EYS: variants seen among roughly 807,000 people sequenced by gnomAD.
The protein encoded by EYS is protein eyes shut homolog.
Under a neutral mutation model 282.1 loss-of-function variants are expected in EYS, and 250 were observed. The ratio of observed to expected loss-of-function variants is 0.89; its 90% confidence interval spans 0.80 to 0.98. The LOEUF is 0.98. Ranked by LOEUF, EYS falls within the 50% of genes least tolerant of loss-of-function variation. The pLI, the probability that EYS is intolerant of heterozygous loss-of-function variation, is 0.00. For synonymous variants in EYS, 1,355 were observed against 1,282.9 expected (o/e 1.06, Z -1.20); for missense variants, 4,016 against 3,709.0 (o/e 1.08, Z -2.15).
intron 2 of EYS, among the ~76,000 whole-genome samples, chr6:65,504,673 G>T (rs1407083797): frequency 1.3e-5 from 2 of 151,114 alleles, no homozygotes; most frequent in South Asian, 4.2e-4. Context: ...TTTTCCTTTA[G>T]AGTATCGATA....
chr6:63,804,520 A>G (rs1770855550), intron 37 of EYS, among the ~76,000 whole-genome samples: 1 of 152,222 alleles, frequency 6.6e-6, no homozygotes, highest in African/African-American at 2.4e-5. Flanking sequence ...TCCCTTGACC[A>G]CTATGATAGC....
intron 26 of EYS, among the ~76,000 whole-genome samples, chr6:64,466,218 C>CA: frequency 6.6e-6 from 1 of 152,078 alleles, no homozygotes; most frequent in South Asian, 2.1e-4. Context: ...AAAAATAGCA[C>CA]TATAATATAA....
chr6:64,886,794 A>G lies in EYS; in HGVS notation c.2895T>C (p.Leu965=). The G allele has an allele frequency of 6.5e-7, 1 of 1,546,626 alleles. No homozygotes were observed. The highest frequency in any genetic ancestry group is 1.4e-5 in the African/African-American group (1 of 72,824). The part of the protein sequence containing the change: ...EPEYHGPFCE[L]DVNKCKISPC... ...GTGAGATTTTACATTTATTTACATCAAGTTCACAGAAGGGCCCATGGTACT... is the reference window on the plus strand; with the variant it reads ...GTGAGATTTTACATTTATTTACATCGAGTTCACAGAAGGGCCCATGGTACT... Residue 965 remains leucine, a synonymous_variant, in exon 19 of 43, where the codon CTT becomes CTC. Transcript: ENST00000503581.
chr6:65,601,030 T>C (rs930328265), intron 2 of EYS, among the ~76,000 whole-genome samples: 3 of 151,904 alleles, frequency 2.0e-5, no homozygotes, highest in Non-Finnish European at 4.4e-5. Context: ...TCATGATAGA[T>C]TCAAAATATA....
intron 26 of EYS, among the ~76,000 whole-genome samples, chr6:64,577,816 T>C (rs1273421760): frequency 6.6e-6 from 1 of 152,118 alleles, no homozygotes; most frequent in Non-Finnish European, 1.5e-5. Flanking sequence ...GACAGTTTTA[T>C]AGCTGATAAA....
intron 12 of EYS, among the ~76,000 whole-genome samples, chr6:65,287,047 T>G (rs1768387119): frequency 6.6e-6 from 1 of 151,458 alleles, no homozygotes; most frequent in African/African-American, 2.4e-5. Context: ...CGCAGGAAGC[T>G]CAAGATCCTT....
intron 26 of EYS, among the ~76,000 whole-genome samples, chr6:64,528,757 T>C (rs1562043105): frequency 6.6e-6 from 1 of 151,980 alleles, no homozygotes; most frequent in Non-Finnish European, 1.5e-5. Flanking sequence ...TACCAGCCAC[T>C]TTTTATTTTG....
At chr6:63,793,917 G>C (rs557110303) in intron 37 of EYS, among the ~76,000 whole-genome samples, 62 of 152,284 alleles carry the variant, frequency 4.1e-4, no homozygotes, top group Non-Finnish European at 7.1e-4. Flanking sequence ...AGTATGTGTG[G>C]GGTGATGCTG....
intron 13 of EYS, among the ~76,000 whole-genome samples, chr6:65,023,839 C>T (rs373919540): frequency 1.3e-5 from 2 of 152,236 alleles, no homozygotes; most frequent in African/African-American, 4.8e-5. Context: ...GTAACTTGCC[C>T]CTTCATATAC....
At chr6:64,802,028 T>C (rs999200623) in intron 22 of EYS, among the ~76,000 whole-genome samples, 2 of 115,572 alleles carry the variant, frequency 1.7e-5, no homozygotes, top group South Asian at 3.4e-4. Flanking sequence ...TTTTTCTTTT[T>C]TTTTCTTTTT....
At chr6:64,078,466 G>A (rs1055640229) in intron 32 of EYS, among the ~76,000 whole-genome samples, 1 of 152,010 alleles carries the variant, frequency 6.6e-6, no homozygotes, top group African/African-American at 2.4e-5. Flanking sequence ...AGGCTTTTAT[G>A]AGGTTGACAG....
intron 29 of EYS, among the ~76,000 whole-genome samples, chr6:64,342,335 A>G (rs1273214599): frequency 1.3e-5 from 2 of 151,916 alleles, no homozygotes; most frequent in African/African-American, 2.4e-5. Context: ...GTTACCCACA[A>G]AGGGAAGCCC....
At chr6:64,022,009 C>A (rs2149820152) in intron 33 of EYS, among the ~76,000 whole-genome samples, 1 of 152,264 alleles carries the variant, frequency 6.6e-6, no homozygotes, top group South Asian at 2.1e-4. Context: ...TTTTATGTAA[C>A]CATTCCCCTC....
chr6:64,906,742 C>T (rs1330917948), intron 16 of EYS, among the ~76,000 whole-genome samples: 3 of 152,088 alleles, frequency 2.0e-5, no homozygotes, highest in Non-Finnish European at 4.4e-5. Flanking sequence ...GTTCCTTTCA[C>T]CTTGAAGACA....
intron 14 of EYS, among the ~76,000 whole-genome samples, chr6:64,969,431 T>C (rs1010254054): frequency 1.3e-5 from 2 of 152,150 alleles, no homozygotes; most frequent in African/African-American, 2.4e-5. Context: ...CATTAAGGCA[T>C]TGAAAAAGGC....
At chr6:65,091,376 C>T (rs1025916401) in intron 12 of EYS, among the ~76,000 whole-genome samples, 23 of 149,722 alleles carry the variant, frequency 1.5e-4, no homozygotes, top group Admixed American at 4.7e-4. Context: ...TTTGAATTTG[C>T]GGGGCAGAGG....
At chr6:65,065,447 A>G (rs1773717128) in intron 12 of EYS, among the ~76,000 whole-genome samples, 2 of 148,460 alleles carry the variant, frequency 1.3e-5, no homozygotes, top group South Asian at 4.2e-4. Flanking sequence ...CAGTGGCGCG[A>G]TCTCTGCTCA....
chr6:65,050,712 C>G (rs1239977691), intron 13 of EYS, among the ~76,000 whole-genome samples: 1 of 151,500 alleles, frequency 6.6e-6, no homozygotes, highest in Non-Finnish European at 1.5e-5. Flanking sequence ...TAGCTTGACA[C>G]AAGAATGACT....
chr6:65,628,467 T>G (rs1421856687), intron 2 of EYS, among the ~76,000 whole-genome samples: 4 of 152,002 alleles, frequency 2.6e-5, no homozygotes, highest in African/African-American at 9.7e-5. Context: ...CCCCCTGGGG[T>G]CCCCTTCCAC....
Sources: gnomAD v4.1 joint callset for allele counts (sites outside exome capture counted in the v4.1 genomes callset) on GRCh38, gnomAD v4.1.1 for gene constraint, MANE v1.5 for transcripts, NCBI Gene and HGNC (gene_info 2026-07-23, HGNC 2026-07-21) for gene names.